Variants in CMSS1 observed in about 807,000 individuals in gnomAD.
CMSS1 encodes the protein protein CMSS1.
In CMSS1, 33 loss-of-function variants were observed where a neutral mutation model predicts 43.5. That is an observed-to-expected ratio of 0.76 (90% CI 0.57 to 1.01). The LOEUF is 1.01. CMSS1 is among the 50% of genes least tolerant of loss of function. The pLI, the probability that CMSS1 is intolerant of heterozygous loss-of-function variation, is 0.00. For synonymous variants in CMSS1, 115 were observed against 117.2 expected (o/e 0.98, Z 0.12); for missense variants, 313 against 326.4 (o/e 0.96, Z 0.32).
chr3:100,171,965 CTT>C, intron 7 of CMSS1, 66 bp downstream of exon 7: 1 of 1,161,984 alleles, frequency 8.6e-7, no homozygotes, highest in Non-Finnish European at 1.3e-6. Flanking sequence ...CTTTCAACCT[CTT>C]CTCCTAATCT....
intron 1 of CMSS1, among the ~76,000 whole-genome samples, chr3:100,057,586 G>A (rs2065487149): frequency 6.6e-6 from 1 of 152,186 alleles, no homozygotes; most frequent in Non-Finnish European, 1.5e-5. Context: ...CCTGCAAACA[G>A]GGAATGTCCC....
chr3:100,153,125 A>T (rs924564773), intron 2 of CMSS1, among the ~76,000 whole-genome samples: 7 of 152,222 alleles, frequency 4.6e-5, no homozygotes, highest in African/African-American at 1.7e-4. Flanking sequence ...CAACTATGTA[A>T]TTCAAAGCCC....
intron 6 of CMSS1, 22 bp from the exon 7 acceptor site, chr3:100,171,817 T>C (rs1332641038): frequency 1.2e-6 from 2 of 1,610,324 alleles, no homozygotes; most frequent in African/African-American, 1.3e-5. Flanking sequence ...TTCTTAAGCA[T>C]TCACCTGCTT....
At position 99,949,337 on chromosome 3, in the gene CMSS1, A is replaced by G. The variant is rs183549142; in HGVS notation, c.64+131294A>G. Reference sequence around the variant, plus strand: ...TTTTAATAAGCTAAATTTAAATAAAACCCTCCATAGTTGGCAACTGGCTTC... The same window carrying G: ...TTTTAATAAGCTAAATTTAAATAAAGCCCTCCATAGTTGGCAACTGGCTTC... On this transcript the variant is annotated intron_variant, in intron 1 of 9. Transcript: ENST00000421999. 1.6e-4 allele frequency among the ~76,000 whole-genome samples: 25 copies of G among 152,204 alleles called. No homozygotes were observed. In the East Asian group the frequency reaches 4.8e-3, roughly 29 times the overall value.
chr3:100,117,831 A>ATATATATATATATATATATATATATACG (rs2066585485), intron 1 of CMSS1, among the ~76,000 whole-genome samples: 1 of 89,666 alleles, frequency 1.1e-5, no homozygotes, highest in Non-Finnish European at 2.2e-5. Context: ...TGCAGTATAT[A>ATATATATATATATATATATATATATACG]TATATATATA....
At chr3:99,894,696 G>A (rs1706193104) in intron 1 of CMSS1, among the ~76,000 whole-genome samples, 1 of 152,152 alleles carries the variant, frequency 6.6e-6, no homozygotes, top group African/African-American at 2.4e-5. Flanking sequence ...TAATTATGGA[G>A]TTGATTCCCA....
At chr3:99,988,069 A>G (rs1023793903) in intron 1 of CMSS1, among the ~76,000 whole-genome samples, 2 of 152,190 alleles carry the variant, frequency 1.3e-5, no homozygotes, top group Non-Finnish European at 2.9e-5. Flanking sequence ...ATTGCTTGTC[A>G]ATACATACTT....
chr3:100,016,658 G>A (rs1710350312), intron 1 of CMSS1, among the ~76,000 whole-genome samples: 1 of 152,184 alleles, frequency 6.6e-6, no homozygotes, highest in South Asian at 2.1e-4. Context: ...ACACTAGGAA[G>A]CTCTTTCACA....
At chr3:99,909,863 C>T (rs992209273) in intron 1 of CMSS1, among the ~76,000 whole-genome samples, 2 of 152,150 alleles carry the variant, frequency 1.3e-5, no homozygotes, top group Admixed American at 6.5e-5. Flanking sequence ...CAGTCTGCAA[C>T]CCCTTTCCTG....
intron 1 of CMSS1, among the ~76,000 whole-genome samples, chr3:99,922,806 T>G (rs998153488): frequency 6.6e-6 from 1 of 152,156 alleles, no homozygotes; most frequent in Admixed American, 6.5e-5. Context: ...CCAACCAAAC[T>G]CTCCTTTTTT....
At chr3:100,090,536 G>A (rs2066085833) in intron 1 of CMSS1, among the ~76,000 whole-genome samples, 1 of 152,208 alleles carries the variant, frequency 6.6e-6, no homozygotes, top group Non-Finnish European at 1.5e-5. Flanking sequence ...GGCCCTCCCA[G>A]TGGTAGGTTA....
intron 1 of CMSS1, among the ~76,000 whole-genome samples, chr3:99,980,013 T>C (rs1442634383): frequency 2.0e-5 from 3 of 151,844 alleles, no homozygotes; most frequent in Non-Finnish European, 4.4e-5. Context: ...ACAGAAATTA[T>C]TAAAGCAGCA....
intron 1 of CMSS1, among the ~76,000 whole-genome samples, chr3:100,134,489 C>G (rs528990098): frequency 6.6e-6 from 1 of 152,164 alleles, no homozygotes; most frequent in African/African-American, 2.4e-5. Flanking sequence ...CGAGGATGGC[C>G]TCATCTCCAT....
intron 8 of CMSS1, among the ~76,000 whole-genome samples, chr3:100,174,644 G>C (rs974832947): frequency 6.6e-6 from 1 of 152,152 alleles, no homozygotes; most frequent in Non-Finnish European, 1.5e-5. Flanking sequence ...AATAGTCCCA[G>C]CACCCTAAAA....
intron 1 of CMSS1, among the ~76,000 whole-genome samples, chr3:100,061,250 C>T (rs949103489): frequency 6.6e-6 from 1 of 152,202 alleles, no homozygotes; most frequent in Non-Finnish European, 1.5e-5. Flanking sequence ...CCTCTGTACA[C>T]ACTGAGTATG....
chr3:99,924,861 C>A (rs544819710), intron 1 of CMSS1, among the ~76,000 whole-genome samples: 19 of 152,300 alleles, frequency 1.2e-4, no homozygotes, highest in African/African-American at 4.6e-4. Flanking sequence ...TGTTTATTCT[C>A]TTGTTAATTG....
rs527999173 is a variant in CMSS1, at chr3:100,181,715, T to C, written c.*3327T>C. The C allele has an allele frequency of 7.5e-4, 114 of 152,372 alleles. No individual in the cohort carries two copies. Among genetic ancestry groups the C allele is most frequent in the African/African-American group, 2.3e-3 (97 of 41,594 alleles). The allele number at this position is 152,372 out of a possible 1,614,324, so 9.4% of individuals were successfully genotyped here. The stretch of plus-strand genomic sequence containing the variant: ...TGTTCTCATGATTTGATTAAAGTTA[T>C]GCATTTTTTGACCAGAATACCACAG... On this transcript the variant is annotated 3_prime_UTR_variant, in exon 10 of 10. Coordinates refer to ENST00000421999, the MANE Select transcript of CMSS1 (RefSeq NM_032359.4).
chr3:99,824,566 C>T (rs556656343), intron 1 of CMSS1, among the ~76,000 whole-genome samples: 2 of 152,276 alleles, frequency 1.3e-5, no homozygotes, highest in African/African-American at 2.4e-5. Flanking sequence ...ATTAATATTT[C>T]GTAGTCACAC....
intron 1 of CMSS1, among the ~76,000 whole-genome samples, chr3:99,913,617 G>A (rs1469955874): frequency 6.6e-6 from 1 of 152,160 alleles, no homozygotes; most frequent in Non-Finnish European, 1.5e-5. Flanking sequence ...AAAAAGTATT[G>A]TATGATCTTC....
Sources: gnomAD v4.1 joint callset for allele counts (sites outside exome capture counted in the v4.1 genomes callset) on GRCh38, gnomAD v4.1.1 for gene constraint, MANE v1.5 for transcripts, NCBI Gene and HGNC (gene_info 2026-07-23, HGNC 2026-07-21) for gene names.